SPP2: variants seen among roughly 807,000 people sequenced by gnomAD.
SPP2 encodes the protein secreted phosphoprotein 2.
SPP2 carries 34 observed loss-of-function variants against 28.8 expected under a neutral mutation model. That is an observed-to-expected ratio of 1.18 (90% CI 0.90 to 1.57). The LOEUF is 1.57. Among genes scored for constraint, SPP2 ranks in the 40% most tolerant of loss-of-function variants. The pLI is 0.00. For synonymous variants in SPP2, 96 were observed against 89.4 expected (o/e 1.07, Z -0.42); for missense variants, 269 against 263.9 (o/e 1.02, Z -0.13).
At chr2:234,060,582 C>A (rs888638077) in intron 4 of SPP2, 103 bp downstream of exon 4, 8 of 865,090 alleles carry the variant, frequency 9.2e-6, no homozygotes, top group Non-Finnish European at 1.3e-5. Flanking sequence ...ATCACCTGGG[C>A]TTGGGGATGC....
chr2:234,076,175 G>A (rs189027821), intron 7 of SPP2, among the ~76,000 whole-genome samples: 1 of 152,098 alleles, frequency 6.6e-6, no homozygotes, highest in African/African-American at 2.4e-5. Context: ...AACAGTCCTC[G>A]CCCACACACC....
At chr2:234,066,174 T>A (rs982639823) in intron 4 of SPP2, among the ~76,000 whole-genome samples, 2 of 152,156 alleles carry the variant, frequency 1.3e-5, no homozygotes, top group Non-Finnish European at 2.9e-5. Context: ...ACTGAACATA[T>A]TACAGTGACT....
intron 4 of SPP2, among the ~76,000 whole-genome samples, chr2:234,064,472 T>C (rs1290832352): frequency 6.6e-6 from 1 of 152,138 alleles, no homozygotes; most frequent in African/African-American, 2.4e-5. Context: ...TGTTCTTTTA[T>C]ACATATAACT....
Position 234,060,562 on chromosome 2 carries a change from T to C in SPP2, c.444+83T>C, listed in dbSNP as rs1693699038. The C allele has an allele frequency of 1.1e-5, 12 of 1,097,392 alleles. No homozygotes were observed. The South Asian group carries it at 1.5e-4, about 14-fold the overall frequency. 68.0% of individuals were successfully genotyped at this position (1,097,392 alleles called of 1,614,324 possible). ...GTGAAAAACAGAGTGGTTTGCTGGG[T>C]AGCTGGATCATCACCTGGGCTTGGG... is the stretch of plus-strand genomic sequence containing the variant. On this transcript the variant is annotated intron_variant, in intron 4 of 7. Transcript: ENST00000168148.
rs569513717 is a variant in SPP2, at chr2:234,073,292, C to A, written c.*10+3269C>A. Among the ~76,000 whole-genome samples the A allele has an allele frequency of 3.3e-5, 5 of 152,248 alleles. No individual in the cohort carries two copies. In the South Asian group the frequency reaches 1.0e-3, roughly 32 times the overall value. The stretch of plus-strand genomic sequence containing the variant: ...GTCTATACAAAATTATTAAAAATAT[C>A]TTTTGTCCATTTCATAAGGCTAAGA... On this transcript the variant is annotated intron_variant, in intron 7 of 7. Coordinates refer to ENST00000168148, the MANE Select transcript of SPP2 (RefSeq NM_006944.3).
chr2:234,067,331 C>A, intron 6 of SPP2, 57 bp downstream of exon 6: 1 of 1,471,514 alleles, frequency 6.8e-7, no homozygotes, highest in Non-Finnish European at 9.5e-7. Context: ...ATCTGGACTC[C>A]TGAGAAATCC....
chr2:234,067,339 T>A (rs1361070785), intron 6 of SPP2, 65 bp downstream of exon 6: 1 of 1,412,806 alleles, frequency 7.1e-7, no homozygotes, highest in Non-Finnish European at 1.0e-6. Flanking sequence ...TCCTGAGAAA[T>A]CCTATTTCAT....
intron 2 of SPP2, among the ~76,000 whole-genome samples, chr2:234,055,388 T>C (rs1693585761): frequency 6.6e-6 from 1 of 152,208 alleles, no homozygotes; most frequent in African/African-American, 2.4e-5. Context: ...ACCCACATAA[T>C]GGAGGGTCAT....
intron 5 of SPP2, 39 bp downstream of exon 5, chr2:234,066,626 A>G (rs1693827683): frequency 6.7e-7 from 1 of 1,493,626 alleles, no homozygotes; most frequent in Admixed American, 1.8e-5. Flanking sequence ...TTTTTCTTAA[A>G]ATAACTCCAT....
chr2:234,055,072 G>C (rs1341382555), intron 2 of SPP2, among the ~76,000 whole-genome samples: 1 of 152,174 alleles, frequency 6.6e-6, no homozygotes, highest in Non-Finnish European at 1.5e-5. Flanking sequence ...TGCCCTATTA[G>C]TGAGGGTTCT....
chr2:234,054,548 T>G (rs550386471), intron 2 of SPP2, among the ~76,000 whole-genome samples: 1 of 152,172 alleles, frequency 6.6e-6, no homozygotes, highest in African/African-American at 2.4e-5. Context: ...GGCTGCAGAC[T>G]GCTGATTTCC....
chr2:234,073,920 C>T (rs1361934980), intron 7 of SPP2, among the ~76,000 whole-genome samples: 1 of 152,174 alleles, frequency 6.6e-6, no homozygotes, highest in African/African-American at 2.4e-5. Context: ...TCATTAAATG[C>T]CCCTCTATGC....
chr2:234,066,463 A>C, intron 4 of SPP2, 70 bp from the exon 5 acceptor site: 1 of 1,278,028 alleles, frequency 7.8e-7, no homozygotes, highest in Admixed American at 1.7e-5. Flanking sequence ...GATGACATTT[A>C]CATTTTTCAG....
chr2:234,066,019 G>C (rs1693810936), intron 4 of SPP2, among the ~76,000 whole-genome samples: 1 of 152,188 alleles, frequency 6.6e-6, no homozygotes, highest in African/African-American at 2.4e-5. Flanking sequence ...TGGAGGCCAA[G>C]AAATTACCTG....
At chr2:234,075,002 A>C (rs1690869031) in intron 7 of SPP2, among the ~76,000 whole-genome samples, 1 of 5,678 alleles carries the variant, frequency 1.8e-4, no homozygotes, top group Non-Finnish European at 3.8e-4. Context: ...CAAAAATGCA[A>C]AAAAAAAAAA....
At chr2:234,073,181 C>A (rs796924973) in intron 7 of SPP2, among the ~76,000 whole-genome samples, 1 of 152,326 alleles carries the variant, frequency 6.6e-6, no homozygotes, top group African/African-American at 2.4e-5. Flanking sequence ...AGCCACCACG[C>A]CTGGCCGACC....
intron 4 of SPP2, among the ~76,000 whole-genome samples, chr2:234,060,700 T>TTCTC (rs146209101): frequency 8.7e-5 from 13 of 149,268 alleles, no homozygotes; most frequent in Middle Eastern, 3.5e-3. Flanking sequence ...TCCTCTCTCT[T>TTCTC]TCTCTCTCTC....
intron 2 of SPP2, among the ~76,000 whole-genome samples, chr2:234,054,530 C>T (rs1254570356): frequency 6.6e-6 from 1 of 152,150 alleles, no homozygotes; most frequent in Non-Finnish European, 1.5e-5. Context: ...GGTGAGGGCC[C>T]TCTTCTGGGC....
intron 7 of SPP2, 144 bp downstream of exon 7, chr2:234,070,167 TCTC>T: frequency 1.7e-6 from 1 of 588,622 alleles, no homozygotes; most frequent in South Asian, 1.8e-5. Flanking sequence ...TCCCAAGACT[TCTC>T]CTCAATTGCC....
Sources: allele counts gnomAD v4.1 joint callset (sites outside exome capture counted in the v4.1 genomes callset), GRCh38; gene constraint gnomAD v4.1.1; transcripts MANE v1.5; gene names NCBI Gene and HGNC (gene_info 2026-07-23, HGNC 2026-07-21).